CPQ: variants seen among roughly 807,000 people sequenced by gnomAD.
The protein encoded by CPQ is carboxypeptidase Q.
CPQ carries 37 observed loss-of-function variants against 45.7 expected under a neutral mutation model. That is an observed-to-expected ratio of 0.81 (90% CI 0.62 to 1.07). CPQ has a LOEUF of 1.07. Among genes scored for constraint, CPQ ranks in the 50% least tolerant of loss-of-function variants. The pLI, the probability that CPQ is intolerant of heterozygous loss-of-function variation, is 0.00. For missense variants in CPQ, 537 were observed against 572.9 expected (o/e 0.94, Z 0.64); for synonymous variants, 186 against 205.8 (o/e 0.90, Z 0.82).
At chr8:96,737,977 G>A (rs184307082) in intron 1 of CPQ, among the ~76,000 whole-genome samples, 9 of 151,794 alleles carry the variant, frequency 5.9e-5, no homozygotes, top group Non-Finnish European at 8.8e-5. Flanking sequence ...TTCTTCTATA[G>A]CCCATGAGTA....
chr8:96,686,610 A>C (rs1809231244), intron 1 of CPQ, among the ~76,000 whole-genome samples: 1 of 151,906 alleles, frequency 6.6e-6, no homozygotes, highest in Admixed American at 6.6e-5. Context: ...ATACTCACTT[A>C]GGGTCTTTTT....
At chr8:96,861,209 A>G (rs1420727167) in intron 3 of CPQ, among the ~76,000 whole-genome samples, 1 of 152,164 alleles carries the variant, frequency 6.6e-6, no homozygotes, top group African/African-American at 2.4e-5. Context: ...ATTTTAGAAT[A>G]TAAGAAATAG....
chr8:97,075,497 T>C (rs188797494), intron 7 of CPQ, among the ~76,000 whole-genome samples: 1 of 152,312 alleles, frequency 6.6e-6, no homozygotes, highest in East Asian at 1.9e-4. Context: ...GAGCTCACAA[T>C]TGAAAACTGA....
chr8:96,872,354 G>C (rs1245262960), intron 3 of CPQ, among the ~76,000 whole-genome samples: 1 of 151,920 alleles, frequency 6.6e-6, no homozygotes, highest in Non-Finnish European at 1.5e-5. Context: ...TCGTGTTGGT[G>C]CTCAAAAAGT....
At chr8:96,812,543 G>A (rs1281668120) in intron 2 of CPQ, among the ~76,000 whole-genome samples, 1 of 152,140 alleles carries the variant, frequency 6.6e-6, no homozygotes, top group Non-Finnish European at 1.5e-5. Context: ...TGACTGGGAA[G>A]TAGGATCTCT....
intron 5 of CPQ, among the ~76,000 whole-genome samples, chr8:97,022,405 A>T (rs1809704425): frequency 6.6e-6 from 1 of 152,174 alleles, no homozygotes; most frequent in Non-Finnish European, 1.5e-5. Flanking sequence ...AACTTAAGAG[A>T]TTTTGCGTGG....
intron 4 of CPQ, among the ~76,000 whole-genome samples, chr8:96,934,933 A>C (rs1198887382): frequency 1.3e-5 from 2 of 152,190 alleles, no homozygotes; most frequent in East Asian, 1.9e-4. Flanking sequence ...TGCAGCCTAC[A>C]TTTCTCTCTA....
chr8:96,658,747 T>C (rs1212725501), intron 1 of CPQ, among the ~76,000 whole-genome samples: 3 of 152,194 alleles, frequency 2.0e-5, no homozygotes, highest in Non-Finnish European at 2.9e-5. Context: ...ACAGTGCCAC[T>C]GGCTTTGAAG....
At chr8:96,945,270 A>G (rs1353535758) in intron 4 of CPQ, among the ~76,000 whole-genome samples, 4 of 152,160 alleles carry the variant, frequency 2.6e-5, no homozygotes, top group South Asian at 4.1e-4. Flanking sequence ...GGGGAGATCC[A>G]TGAGGATGTT....
At chr8:96,970,123 G>T (rs961505525) in intron 5 of CPQ, among the ~76,000 whole-genome samples, 2 of 152,198 alleles carry the variant, frequency 1.3e-5, no homozygotes, top group Non-Finnish European at 2.9e-5. Flanking sequence ...CTCTGGTCAA[G>T]ACTGTCTTGG....
chr8:97,053,239 T>C (rs1810392359), intron 6 of CPQ, among the ~76,000 whole-genome samples: 1 of 152,232 alleles, frequency 6.6e-6, no homozygotes, highest in East Asian at 1.9e-4. Context: ...AGGCAGTGTT[T>C]TGAGGTCTGC....
At chr8:97,028,926 T>C (rs566967717) in intron 5 of CPQ, among the ~76,000 whole-genome samples, 2 of 152,342 alleles carry the variant, frequency 1.3e-5, no homozygotes, top group African/African-American at 2.4e-5. Context: ...TTACTGAAGA[T>C]AGCATGGGCA....
At chr8:96,940,748 G>C (rs1402477135) in intron 4 of CPQ, among the ~76,000 whole-genome samples, 1 of 152,152 alleles carries the variant, frequency 6.6e-6, no homozygotes, top group Non-Finnish European at 1.5e-5. Flanking sequence ...AGTGTAGGAA[G>C]AGCTACATGG....
intron 5 of CPQ, among the ~76,000 whole-genome samples, chr8:97,012,123 C>A (rs919974401): frequency 2.0e-5 from 3 of 152,114 alleles, no homozygotes; most frequent in African/African-American, 7.2e-5. Context: ...ATTTCTTCAG[C>A]ACCAAATGCC....
intron 7 of CPQ, among the ~76,000 whole-genome samples, chr8:97,076,454 A>G (rs1239383296): frequency 6.6e-6 from 1 of 152,188 alleles, no homozygotes; most frequent in East Asian, 1.9e-4. Flanking sequence ...TACTTCTTTA[A>G]AAATAGTTTT....
chr8:96,687,229 T>C (rs1563469160), intron 1 of CPQ, among the ~76,000 whole-genome samples: 1 of 151,964 alleles, frequency 6.6e-6, no homozygotes, highest in African/African-American at 2.4e-5. Flanking sequence ...TTTTCTTTTT[T>C]TGAGACAGAG....
At chr8:97,052,175 T>C (rs1172952489) in intron 6 of CPQ, among the ~76,000 whole-genome samples, 2 of 152,192 alleles carry the variant, frequency 1.3e-5, no homozygotes, top group African/African-American at 4.8e-5. Context: ...CTGCTACTTA[T>C]TACTATTCTC....
chr8:96,826,222 TG>T (rs1287307129), intron 2 of CPQ, among the ~76,000 whole-genome samples: 1 of 152,094 alleles, frequency 6.6e-6, no homozygotes, highest in African/African-American at 2.4e-5. Flanking sequence ...TGCCGTTTGG[TG>T]TTGATCATTT....
At chr8:96,790,050 A>G (rs919256372) in intron 2 of CPQ, among the ~76,000 whole-genome samples, 1 of 152,060 alleles carries the variant, frequency 6.6e-6, no homozygotes, top group Non-Finnish European at 1.5e-5. Flanking sequence ...TGTTGCTAGC[A>G]GTATCGTGAA....
Sources: gnomAD v4.1 joint callset for allele counts (sites outside exome capture counted in the v4.1 genomes callset) on GRCh38, gnomAD v4.1.1 for gene constraint, MANE v1.5 for transcripts, NCBI Gene and HGNC (gene_info 2026-07-23, HGNC 2026-07-21) for gene names.